The following XPO6 variants were observed in gnomAD, a reference collection of about 807,000 sequenced individuals.
The protein encoded by XPO6 is exportin 6.
Under a neutral mutation model 130.0 loss-of-function variants are expected in XPO6, and 3 were observed. The ratio of observed to expected loss-of-function variants is 0.02; its 90% CI spans 0.01 to 0.06. The LOEUF (loss-of-function observed/expected upper bound fraction) is 0.06. XPO6 is among the 10% of genes least tolerant of loss of function. The pLI is 1.00. For missense variants in XPO6, 970 were observed against 1,393.0 expected (o/e 0.70, Z 4.83); for synonymous variants, 524 against 548.9 (o/e 0.95, Z 0.63).
At chr16:28,156,596 C>A (rs1371025688) in intron 6 of XPO6, 69 bp from the exon 7 acceptor site, 3 of 1,058,180 alleles carry the variant, frequency 2.8e-6, no homozygotes, top group Non-Finnish European at 3.9e-6. Flanking sequence ...AGTAATTCTC[C>A]TTCAAAAAAA....
Position 28,176,008 on chromosome 16 carries a change from G to T in XPO6, c.295C>A (p.His99Asn). The change falls in exon 4 of 24, where the codon CAT becomes AAT. Residue 99 changes from histidine (H) to asparagine (N), a missense_variant. This residue lies in a region of XPO6 where 936 missense variants were observed against 1,306.8 expected (regional missense o/e 0.72). Coordinates refer to ENST00000304658, the MANE Select transcript of XPO6 (RefSeq NM_015171.4). ...SCLPKLLLAH[H>N]KTLPYFIRNK... is the part of the protein sequence containing the mutation. ...CGGATAAAGTAAGGTAAGGTTTTAT[G>T]GTGAGCCAAAAGGAGTTTGGGCAGA... 4 of 1,614,198 alleles carry T rather than the reference G, an allele frequency of 2.5e-6. No homozygotes were observed. The highest frequency in any genetic ancestry group is 3.4e-6 in the Non-Finnish European group (4 of 1,180,030).
intron 12 of XPO6, among the ~76,000 whole-genome samples, chr16:28,126,243 G>A (rs2087405906): frequency 6.6e-6 from 1 of 152,218 alleles, no homozygotes; most frequent in African/African-American, 2.4e-5. Flanking sequence ...CAAGGCTGGT[G>A]TTCTACGCTG....
chr16:28,106,903 A>C lies in XPO6; in HGVS notation c.2498-406T>G, dbSNP rs2086796389. On this transcript the variant is annotated intron_variant, in intron 18 of 23. Transcript: ENST00000304658. This position sits in a 1 kb window ranked among gnomAD's most constrained non-coding sequence, Gnocchi z 4.2. ...ATCCCTGCAGCTGGGTCAGGGGTTA[A>C]GTGGTTGAAAGTGGATAATGAAGGT... is the stretch of plus-strand genomic sequence containing the variant. 6.6e-6 allele frequency among the ~76,000 whole-genome samples: 1 copy of C among 152,202 alleles called. No homozygotes were observed. Among genetic ancestry groups the C allele is most frequent in the African/African-American group, 2.4e-5 (1 of 41,448 alleles).
chr16:28,101,394 C>T lies in XPO6; in HGVS notation c.3276+64G>A. ...GCCTCAATGTGCCCCCTCCTTGCTG[C>T]ACAGGTGCCAGGCTTGCGTGCCCAC... On this transcript the variant is annotated intron_variant, in intron 23 of 23. Coordinates refer to ENST00000304658, the MANE Select transcript of XPO6 (RefSeq NM_015171.4). The surrounding 1 kb of genome is among the most constrained non-coding windows in gnomAD (Gnocchi z 5.4). 4 of 1,456,746 alleles carry T rather than the reference C, an allele frequency of 2.7e-6. No individual in the cohort carries two copies. The South Asian group carries it at 4.6e-5, about 17-fold the overall frequency. The allele number at this position is 1,456,746 out of a possible 1,614,324, so 90.2% of individuals were successfully genotyped here.
intron 8 of XPO6, among the ~76,000 whole-genome samples, chr16:28,149,003 T>C (rs2043034240): frequency 6.9e-6 from 1 of 145,816 alleles, no homozygotes; most frequent in Non-Finnish European, 1.5e-5. Context: ...GATCGCACCA[T>C]CGCACTCCAG....
chr16:28,191,259 T>C (rs1466248856), intron 1 of XPO6, among the ~76,000 whole-genome samples: 1 of 152,228 alleles, frequency 6.6e-6, no homozygotes, highest in Non-Finnish European at 1.5e-5. Context: ...TATATACTTA[T>C]TTATATTCCA....
chr16:28,192,884 G>T (rs2043807657), intron 1 of XPO6, among the ~76,000 whole-genome samples: 1 of 152,188 alleles, frequency 6.6e-6, no homozygotes, highest in Admixed American at 6.5e-5. Flanking sequence ...AAACAGTGCT[G>T]CCACTGAGGG....
At chr16:28,177,483 T>C in intron 2 of XPO6, 151 bp from the exon 3 acceptor site, 1 of 526,410 alleles carries the variant, frequency 1.9e-6, no homozygotes. Flanking sequence ...AAAGAATAAA[T>C]CATACAATAT....
intron 9 of XPO6, among the ~76,000 whole-genome samples, chr16:28,135,605 ATT>A (rs1232584805): frequency 3.9e-5 from 6 of 152,100 alleles, no homozygotes; most frequent in African/African-American, 1.4e-4. Context: ...CTTAAAATAT[ATT>A]TTGTCTCCTA....
intron 3 of XPO6, among the ~76,000 whole-genome samples, chr16:28,176,708 C>T (rs1416667035): frequency 6.6e-6 from 1 of 150,390 alleles, no homozygotes; most frequent in Non-Finnish European, 1.5e-5. Flanking sequence ...CGGGGTTTCA[C>T]CTTATTAGCC....
chr16:28,190,215 C>CTTTATTTTTT (rs1567646294), intron 1 of XPO6, among the ~76,000 whole-genome samples: 1 of 136,272 alleles, frequency 7.3e-6, no homozygotes, highest in African/African-American at 3.0e-5. Flanking sequence ...GCACCAGTTT[C>CTTTATTTTTT]TTTCTTTATT....
intron 1 of XPO6, among the ~76,000 whole-genome samples, chr16:28,193,234 T>C (rs1163303094): frequency 6.6e-6 from 1 of 152,166 alleles, no homozygotes; most frequent in Non-Finnish European, 1.5e-5. Flanking sequence ...GGTCCTTAAG[T>C]ATCCCTGCAA....
At chr16:28,124,520 G>A (rs920699994) in intron 13 of XPO6, among the ~76,000 whole-genome samples, 3 of 152,092 alleles carry the variant, frequency 2.0e-5, no homozygotes, top group Non-Finnish European at 2.9e-5. Context: ...CAATACAAAC[G>A]CTACGGTTTG....
Position 28,136,160 on chromosome 16 carries a change from C to A in XPO6, c.1335-836G>T, listed in dbSNP as rs572735489. Among the ~76,000 whole-genome samples, 53 of 152,300 alleles carry A rather than the reference C, an allele frequency of 3.5e-4. 1 individual carries two copies. The South Asian group carries it at 0.011, about 30-fold the overall frequency. On this transcript the variant is annotated intron_variant, in intron 9 of 23. Coordinates refer to ENST00000304658, the MANE Select transcript of XPO6 (RefSeq NM_015171.4). Reference sequence around the variant, plus strand: ...AAAGCTATTTCGAACCTAGGGCCCCCTAATTCAAAATCATGTTCTCGCTAC... The same window carrying A: ...AAAGCTATTTCGAACCTAGGGCCCCATAATTCAAAATCATGTTCTCGCTAC...
chr16:28,185,077 A>T (rs943015878), intron 1 of XPO6, among the ~76,000 whole-genome samples: 1 of 152,272 alleles, frequency 6.6e-6, no homozygotes, highest in Non-Finnish European at 1.5e-5. Context: ...GGAGAATATT[A>T]TAAGACAACA....
chr16:28,160,684 T>C lies in XPO6; in HGVS notation c.644-4157A>G, dbSNP rs1026410869. Among the ~76,000 whole-genome samples the C allele has an allele frequency of 7.9e-5, 12 of 152,194 alleles. 1 individual carries two copies. The highest frequency in any genetic ancestry group is 3.3e-4 in the Admixed American group (5 of 15,274). ...GGGTAAATGTTTACATTTTATTTTGTACTTTACAGCACTAGGTCTCAAATG... is the reference window on the plus strand; with the variant it reads ...GGGTAAATGTTTACATTTTATTTTGCACTTTACAGCACTAGGTCTCAAATG... On this transcript the variant is annotated intron_variant, in intron 6 of 23. Transcript: ENST00000304658.
At chr16:28,158,239 G>C (rs1233107853) in intron 6 of XPO6, among the ~76,000 whole-genome samples, 1 of 152,112 alleles carries the variant, frequency 6.6e-6, no homozygotes, top group African/African-American at 2.4e-5. Flanking sequence ...TGTTGATTAC[G>C]GGGAAGGGAG....
intron 1 of XPO6, among the ~76,000 whole-genome samples, chr16:28,191,878 T>A (rs1349646674): frequency 2.0e-5 from 3 of 152,352 alleles, no homozygotes; most frequent in Middle Eastern, 3.4e-3. Flanking sequence ...TTTCAGCTGC[T>A]ATTACCACCT....
chr16:28,151,136 C>G (rs1463799676), intron 8 of XPO6, among the ~76,000 whole-genome samples: 2 of 142,970 alleles, frequency 1.4e-5, no homozygotes, highest in Non-Finnish European at 3.0e-5. Context: ...TAGCCTAGAC[C>G]CTTGCCTTTC....
Sources: gnomAD v4.1 joint callset for allele counts (sites outside exome capture counted in the v4.1 genomes callset) on GRCh38, gnomAD v4.1.1 for gene constraint, gnomAD v4.1.1 regional missense constraint, Gnocchi (gnomAD v3.1) non-coding constraint, MANE v1.5 for transcripts, NCBI Gene and HGNC (gene_info 2026-07-23, HGNC 2026-07-21) for gene names.